The following TASP1 variants were observed in gnomAD, a reference collection of about 807,000 sequenced individuals.
The protein encoded by TASP1 is taspase 1, also known as threonine aspartase 1.
In TASP1, 16 loss-of-function variants were observed where a neutral mutation model predicts 56.6. That is an observed-to-expected ratio of 0.28 (90% confidence interval 0.19 to 0.43). TASP1 has a LOEUF of 0.43. Among genes scored for constraint, TASP1 ranks in the 20% least tolerant of loss-of-function variants. The pLI, the probability that TASP1 is intolerant of heterozygous loss-of-function variation, is 1.00. For missense variants in TASP1, 393 were observed against 511.6 expected, an observed-to-expected ratio of 0.77 and a Z score of 2.24; for synonymous variants, 179 against 184.2, an observed-to-expected ratio of 0.97 and a Z score of 0.23.
At chr20:13,294,817 A>G in the TASP1 span, among the ~76,000 whole-genome samples, 6 of 152,138 alleles carry the variant, frequency 3.9e-5, no homozygotes, top group African/African-American at 1.4e-4. Flanking sequence ...TTGCAACTTT[A>G]TGAGAGAAGT....
the TASP1 span, among the ~76,000 whole-genome samples, chr20:13,376,456 C>G: frequency 6.6e-6 from 1 of 152,172 alleles, no homozygotes. Flanking sequence ...GTACCAGTAC[C>G]ATGCTGTTTT....
intron 8 of TASP1, among the ~76,000 whole-genome samples, chr20:13,541,579 G>A (rs974175472): frequency 6.6e-6 from 1 of 151,878 alleles, no homozygotes; most frequent in African/African-American, 2.4e-5. Context: ...CTTCTAAAAT[G>A]ATAGAATGCT....
chr20:13,554,518 G>A (rs200341504), intron 8 of TASP1, among the ~76,000 whole-genome samples: 5 of 151,568 alleles, frequency 3.3e-5, no homozygotes, highest in Non-Finnish European at 2.9e-5. Context: ...TACTTTAAAA[G>A]AAAAAAAATC....
chr20:13,354,796 G>T, the TASP1 span, among the ~76,000 whole-genome samples: 1 of 152,018 alleles, frequency 6.6e-6, no homozygotes, highest in Non-Finnish European at 1.5e-5. Flanking sequence ...CCGGCAGGAA[G>T]GTCTTTAGAG....
chr20:13,216,578 A>G, the TASP1 span, among the ~76,000 whole-genome samples: 1 of 152,206 alleles, frequency 6.6e-6, no homozygotes, highest in African/African-American at 2.4e-5. Context: ...AATATTTAAC[A>G]TCTTGCCCTC....
the TASP1 span, among the ~76,000 whole-genome samples, chr20:13,310,690 G>A: frequency 9.8e-3 from 1,487 of 152,192 alleles, 6 homozygotes; most frequent in Middle Eastern, 0.031. Context: ...GGGTTAATCC[G>A]AAATACATAA....
the TASP1 span, among the ~76,000 whole-genome samples, chr20:13,139,395 AT>A: frequency 6.6e-6 from 1 of 152,080 alleles, no homozygotes; most frequent in African/African-American, 2.4e-5. Flanking sequence ...ATAGAAATTC[AT>A]TTTTTCCTAA....
At chr20:13,363,107 T>G in the TASP1 span, among the ~76,000 whole-genome samples, 1 of 152,018 alleles carries the variant, frequency 6.6e-6, no homozygotes. Context: ...AGCTCCCAAA[T>G]CTCTCAGAAT....
the TASP1 span, among the ~76,000 whole-genome samples, chr20:13,367,846 A>G: frequency 3.3e-5 from 5 of 152,190 alleles, no homozygotes; most frequent in African/African-American, 1.2e-4. Flanking sequence ...TTCACACCAC[A>G]GATGATGGGA....
chr20:13,268,347 CCTCTCTCTCTCTCTCTCTCTCTCTCT>C, the TASP1 span, among the ~76,000 whole-genome samples: 197 of 66,674 alleles, frequency 3.0e-3, 3 homozygotes, highest in Admixed American at 0.01. Flanking sequence ...CCTTCTTCTT[CCTCTCTCTCTCTCTCTCTCTCTCTCT>C]CTCTCTCTCT....
the TASP1 span, among the ~76,000 whole-genome samples, chr20:13,145,157 A>G: frequency 6.6e-6 from 1 of 152,198 alleles, no homozygotes; most frequent in Non-Finnish European, 1.5e-5. Flanking sequence ...GAGGCAAGAG[A>G]AAGAAATAAA....
At chr20:13,546,896 C>A (rs2045827588) in intron 8 of TASP1, among the ~76,000 whole-genome samples, 1 of 152,172 alleles carries the variant, frequency 6.6e-6, no homozygotes, top group Admixed American at 6.5e-5. Context: ...GATAACCTAT[C>A]CCTTTTATTT....
At chr20:13,493,398 A>C in intron 10 of TASP1, among the ~76,000 whole-genome samples, 1 of 152,186 alleles carries the variant, frequency 6.6e-6, no homozygotes, top group East Asian at 1.9e-4. Context: ...AGCACAGCAA[A>C]GACAAAGCAG....
chr20:13,436,828 T>A (rs2043022272), intron 11 of TASP1, among the ~76,000 whole-genome samples: 1 of 152,090 alleles, frequency 6.6e-6, no homozygotes, highest in Admixed American at 6.6e-5. Flanking sequence ...GGGTAAGAGC[T>A]TCAAGATGAC....
At chr20:13,186,122 T>C in the TASP1 span, among the ~76,000 whole-genome samples, 1 of 152,188 alleles carries the variant, frequency 6.6e-6, no homozygotes, top group Admixed American at 6.6e-5. Context: ...AGTGAGAAAC[T>C]CCTGGGATCC....
At chr20:13,464,338 C>T (rs935335889) in intron 11 of TASP1, among the ~76,000 whole-genome samples, 5 of 152,134 alleles carry the variant, frequency 3.3e-5, no homozygotes, top group African/African-American at 9.7e-5. Flanking sequence ...TGGTCATCTA[C>T]AAGCCAAGGA....
At chr20:13,226,407 T>C in the TASP1 span, among the ~76,000 whole-genome samples, 1 of 152,226 alleles carries the variant, frequency 6.6e-6, no homozygotes, top group Non-Finnish European at 1.5e-5. Flanking sequence ...TGATTACTTT[T>C]ACTGGAATTT....
chr20:13,421,559 G>A (rs1371150318), intron 12 of TASP1, among the ~76,000 whole-genome samples: 1 of 152,080 alleles, frequency 6.6e-6, no homozygotes, highest in Non-Finnish European at 1.5e-5. Flanking sequence ...GAACAAAAGG[G>A]AATATGAATG....
the TASP1 span, among the ~76,000 whole-genome samples, chr20:13,261,300 C>A: frequency 6.6e-6 from 1 of 151,914 alleles, no homozygotes; most frequent in South Asian, 2.1e-4. Context: ...CACCTGTAAT[C>A]CCAGCTACTC....
Sources: gnomAD v4.1 joint callset for allele counts (sites outside exome capture counted in the v4.1 genomes callset) on GRCh38, gnomAD v4.1.1 for gene constraint, MANE v1.5 for transcripts, NCBI Gene and HGNC (gene_info 2026-07-23, HGNC 2026-07-21) for gene names.